Variants in REC114 observed in about 807,000 individuals in gnomAD.
REC114 encodes the protein REC114 meiotic recombination protein, also known as meiotic recombination protein REC114.
REC114 carries 27 observed loss-of-function variants against 31.3 expected under a neutral mutation model. That is an observed-to-expected ratio of 0.86 (90% CI 0.64 to 1.19). The LOEUF (loss-of-function observed/expected upper bound fraction) is 1.19, where lower values mean the gene tolerates loss of function less well. Ranked by LOEUF, REC114 falls within the 50% of genes most tolerant of loss-of-function variation. The pLI is 0.00. For missense variants in REC114, 344 were observed against 326.9 expected (o/e 1.05, Z -0.40); for synonymous variants, 134 against 127.7 (o/e 1.05, Z -0.33).
At chr15:73,519,061 C>T (rs918841358) in intron 2 of REC114, among the ~76,000 whole-genome samples, 6 of 152,142 alleles carry the variant, frequency 3.9e-5, no homozygotes, top group Non-Finnish European at 5.9e-5. Context: ...AGGATGGCTG[C>T]TATAAAACAA....
Position 73,460,074 on chromosome 15 carries a change from A to G in REC114, c.160-13758A>G, listed in dbSNP as rs540631433. Among the ~76,000 whole-genome samples the G allele has an allele frequency of 3.3e-5, 5 of 152,314 alleles. No homozygotes were observed. The East Asian group carries it at 9.6e-4, about 29-fold the overall frequency. ...TCTAACATTTTTTTTCTATGACAAA[A>G]TTATTAGTTGTTCTAAAGCATTAGT... On this transcript the variant is annotated intron_variant, in intron 1 of 5. Coordinates refer to ENST00000331090, the MANE Select transcript of REC114 (RefSeq NM_001042367.2).
intron 2 of REC114, among the ~76,000 whole-genome samples, chr15:73,530,440 T>C (rs1368559928): frequency 1.3e-5 from 2 of 152,100 alleles, no homozygotes; most frequent in Non-Finnish European, 2.9e-5. Flanking sequence ...GGCTGGAAGA[T>C]TGCTTGCGAC....
intron 1 of REC114, among the ~76,000 whole-genome samples, chr15:73,463,605 G>C (rs1893018308): frequency 1.3e-5 from 2 of 152,156 alleles, no homozygotes; most frequent in Non-Finnish European, 2.9e-5. Context: ...TGAATCACTT[G>C]AGGTCAAGAA....
At chr15:73,504,264 A>G (rs770357911) in intron 2 of REC114, among the ~76,000 whole-genome samples, 13 of 151,984 alleles carry the variant, frequency 8.6e-5, no homozygotes, top group Non-Finnish European at 1.5e-4. Context: ...CAGCCTCCCA[A>G]AGTGCTGGGA....
intron 1 of REC114, among the ~76,000 whole-genome samples, chr15:73,461,064 T>C (rs1056720266): frequency 1.3e-5 from 2 of 152,140 alleles, no homozygotes; most frequent in African/African-American, 4.8e-5. Context: ...ATAATTTTTG[T>C]ACATTGTAAA....
At chr15:73,476,698 C>T (rs750912927) in intron 2 of REC114, among the ~76,000 whole-genome samples, 5 of 152,102 alleles carry the variant, frequency 3.3e-5, no homozygotes, top group Non-Finnish European at 7.4e-5. Context: ...CTCTGTTGTT[C>T]CATGTTATCA....
intron 2 of REC114, among the ~76,000 whole-genome samples, chr15:73,503,468 A>G (rs938277063): frequency 6.6e-6 from 1 of 152,204 alleles, no homozygotes; most frequent in African/African-American, 2.4e-5. Flanking sequence ...GTGATACAAT[A>G]CCTGGGATTT....
chr15:73,513,659 TAACA>T (rs1893809727), intron 2 of REC114, among the ~76,000 whole-genome samples: 1 of 152,156 alleles, frequency 6.6e-6, no homozygotes, highest in African/African-American at 2.4e-5. Flanking sequence ...GTTTTCCTTC[TAACA>T]AACAGGACCC....
chr15:73,478,278 A>T (rs1444293767), intron 2 of REC114, among the ~76,000 whole-genome samples: 1 of 151,602 alleles, frequency 6.6e-6, no homozygotes, highest in Non-Finnish European at 1.5e-5. Context: ...AAAAAAAAAA[A>T]AAAAAAAAAG....
At chr15:73,453,411 A>G (rs1892877703) in intron 1 of REC114, among the ~76,000 whole-genome samples, 2 of 152,350 alleles carry the variant, frequency 1.3e-5, no homozygotes, top group South Asian at 4.1e-4. Flanking sequence ...AATGAAAACC[A>G]CAATGAGATA....
At chr15:73,538,819 A>G (rs1172927684) in intron 2 of REC114, among the ~76,000 whole-genome samples, 1 of 151,948 alleles carries the variant, frequency 6.6e-6, no homozygotes, top group African/African-American at 2.4e-5. Flanking sequence ...CCTGTATAGT[A>G]TTCCATTGTA....
chr15:73,535,581 G>A (rs1311384842), intron 2 of REC114, among the ~76,000 whole-genome samples: 3 of 147,640 alleles, frequency 2.0e-5, no homozygotes, highest in Non-Finnish European at 4.5e-5. Flanking sequence ...AATCAATATC[G>A]TGAAAATGGC....
chr15:73,492,136 CA>C (rs1893455950), intron 2 of REC114, among the ~76,000 whole-genome samples: 1 of 152,084 alleles, frequency 6.6e-6, no homozygotes, highest in Non-Finnish European at 1.5e-5. Context: ...TTCAGTATCC[CA>C]GAAACCTTTC....
At chr15:73,553,183 T>A (rs1894415859) in intron 4 of REC114, among the ~76,000 whole-genome samples, 1 of 152,202 alleles carries the variant, frequency 6.6e-6, no homozygotes, top group African/African-American at 2.4e-5. Flanking sequence ...TATTATACAA[T>A]CTTTTTCTTT....
chr15:73,485,140 G>A (rs564047730), intron 2 of REC114, among the ~76,000 whole-genome samples: 61 of 152,260 alleles, frequency 4.0e-4, no homozygotes, highest in African/African-American at 1.4e-3. Context: ...CTCCACTGCA[G>A]TGGCACGATC....
intron 2 of REC114, among the ~76,000 whole-genome samples, chr15:73,493,729 T>A (rs1893477346): frequency 6.6e-6 from 1 of 152,074 alleles, no homozygotes; most frequent in Non-Finnish European, 1.5e-5. Context: ...AGCAAAGGAG[T>A]TATCTCTAAT....
At chr15:73,558,458 T>C (rs550955836) in intron 5 of REC114, among the ~76,000 whole-genome samples, 1 of 152,288 alleles carries the variant, frequency 6.6e-6, no homozygotes, top group South Asian at 2.1e-4. Flanking sequence ...ATTTGAACTC[T>C]CCTAATATTT....
intron 4 of REC114, among the ~76,000 whole-genome samples, chr15:73,555,363 T>C (rs1894450093): frequency 6.6e-6 from 1 of 152,170 alleles, no homozygotes; most frequent in Non-Finnish European, 1.5e-5. Flanking sequence ...CCTGCAGACA[T>C]GTGGCTAGGA....
intron 2 of REC114, among the ~76,000 whole-genome samples, chr15:73,513,756 C>G (rs1482287509): frequency 6.6e-6 from 1 of 151,430 alleles, no homozygotes; most frequent in African/African-American, 2.4e-5. Flanking sequence ...TTAGGCTGCT[C>G]GGGGGTCAGG....
Sources: gnomAD v4.1 joint callset for allele counts (sites outside exome capture counted in the v4.1 genomes callset) on GRCh38, gnomAD v4.1.1 for gene constraint, MANE v1.5 for transcripts, NCBI Gene and HGNC (gene_info 2026-07-23, HGNC 2026-07-21) for gene names.